LRRC43: variants seen among roughly 807,000 people sequenced by gnomAD.
LRRC43 encodes the protein leucine rich repeat containing 43.
In LRRC43, 62 loss-of-function variants were observed where a neutral mutation model predicts 64.3. The ratio of observed to expected loss-of-function variants is 0.96; its 90% CI spans 0.79 to 1.19. The LOEUF (loss-of-function observed/expected upper bound fraction) is 1.19, where lower values mean the gene tolerates loss of function less well. Among genes scored for constraint, LRRC43 ranks in the 50% most tolerant of loss-of-function variants. The probability of loss-of-function intolerance (pLI) is 0.00; values close to 1 mark genes in which losing one functional copy is unlikely to be tolerated. For synonymous variants in LRRC43, 422 were observed against 382.3 expected, an observed-to-expected ratio of 1.10 and a Z score of -1.21; for missense variants, 868 against 845.0, an observed-to-expected ratio of 1.03 and a Z score of -0.34.
chr12:122,191,852 C>G (rs75019700), intron 6 of LRRC43, among the ~76,000 whole-genome samples: 13,208 of 152,064 alleles, frequency 0.087, 1,599 homozygotes, highest in African/African-American at 0.27. Flanking sequence ...TGAGATTTCA[C>G]CTTGTTGACC....
At chr12:122,181,404 T>G (rs1445704852), upstream of LRRC43, among the ~76,000 whole-genome samples, 26 of 147,086 alleles carry the variant, frequency 1.8e-4, no homozygotes, top group African/African-American at 6.5e-4. Context: ...TTAGCCGGGC[T>G]TGGTGGCGGG....
In LRRC43 at chr12:122,177,966, T is replaced by C. The variant is rs923176113; in HGVS notation, c.-405-6553T>C. On this transcript the variant is annotated intron_variant, in intron 1 of 5. Transcript: ENST00000537729. ...GATTCTCCTGTCTCAGCCTCCCAAG[T>C]AACTGGGATTACAGGTACGTGCCAC... 4.6e-5 allele frequency among the ~76,000 whole-genome samples: 7 copies of C among 151,838 alleles called. No individual in the cohort carries two copies. The East Asian group carries it at 1.4e-3, about 29-fold the overall frequency.
chr12:122,193,672 C>A (rs1212843315), intron 7 of LRRC43, among the ~76,000 whole-genome samples: 2 of 152,136 alleles, frequency 1.3e-5, no homozygotes, highest in Non-Finnish European at 1.5e-5. Flanking sequence ...TCAAGCAATT[C>A]TTGTGCCTCA....
intron 1 of LRRC43, among the ~76,000 whole-genome samples, chr12:122,169,665 G>T (rs1002897184): frequency 1.6e-4 from 23 of 140,074 alleles, no homozygotes; most frequent in Non-Finnish European, 2.6e-4. Context: ...GCAGTGAGCC[G>T]AGATCGTGCC....
At chr12:122,187,037 C>T (rs952229246) in intron 3 of LRRC43, among the ~76,000 whole-genome samples, 1 of 152,046 alleles carries the variant, frequency 6.6e-6, no homozygotes, top group Non-Finnish European at 1.5e-5. Flanking sequence ...AATTCAAAAC[C>T]AGCCTGGGCA....
chr12:122,201,342 G>A lies in LRRC43; in HGVS notation c.1843+13G>A, dbSNP rs1415545303. Reference sequence around the variant, plus strand: ...GTTGCCAAAAAAGGTGAGTGCCGATGGTGGTGACCAAAGGCAGGGATTGTC... The same window carrying A: ...GTTGCCAAAAAAGGTGAGTGCCGATAGTGGTGACCAAAGGCAGGGATTGTC... On this transcript the variant is annotated intron_variant, in intron 11 of 11. Transcript: ENST00000339777. The A allele has an allele frequency of 6.2e-7, 1 of 1,613,802 alleles. No individual in the cohort carries two copies. Among genetic ancestry groups the A allele is most frequent in the Middle Eastern group, 1.7e-4 (1 of 6,028 alleles).
chr12:122,202,728 C>T (rs1428026830), intron 11 of LRRC43, among the ~76,000 whole-genome samples: 4 of 152,092 alleles, frequency 2.6e-5, no homozygotes, highest in Non-Finnish European at 4.4e-5. Flanking sequence ...ATTTTTAGGG[C>T]AAATGTTATA....
At position 122,192,972 on chromosome 12, in the gene LRRC43, G is replaced by A. The variant is rs1261570220; in HGVS notation, c.1317G>A (p.Leu439=). 1 of 1,614,056 alleles carries A rather than the reference G, an allele frequency of 6.2e-7. No individual in the cohort carries two copies. The highest frequency in any genetic ancestry group is 8.5e-7 in the Non-Finnish European group (1 of 1,180,000). The change falls in exon 7 of 12, where the codon CTG becomes CTA. Residue 439 remains leucine, a synonymous_variant. Transcript: ENST00000339777. ...CAGAAGAGCTGGCCAAGTTGAGGCT[G>A]CGTATAGATCCCCGGCTCTGCCCGT... The part of the protein sequence containing the change: ...ASAEELAKLR[L]RIDPRLCPSP...
rs919876408 is a variant in LRRC43, at chr12:122,184,926, C to T, written c.411+147C>T. ...AGCCTGCCCTCCATCTGCTTCATCT[C>T]CCTGGCTTGTGTGCCAGGCAGGGCC... On this transcript the variant is annotated intron_variant, in intron 2 of 11. Coordinates refer to ENST00000339777, the MANE Select transcript of LRRC43 (RefSeq NM_001098519.2). This position sits in a 1 kb window ranked among gnomAD's most constrained non-coding sequence, Gnocchi z 4.0. The T allele has an allele frequency of 2.2e-6, 2 of 892,872 alleles. No homozygotes were observed. Among genetic ancestry groups the T allele is most frequent in the African/African-American group, 1.7e-5 (1 of 59,418 alleles). 55.3% of individuals were successfully genotyped at this position (892,872 alleles called of 1,614,324 possible). A position where few individuals can be genotyped will look rare whatever the true frequency, so the allele number is the denominator to read the frequency against.
Position 122,191,424 on chromosome 12 carries a change from A to G in LRRC43, c.946A>G (p.Ile316Val), listed in dbSNP as rs749141325. 1 of 1,613,962 alleles carries G rather than the reference A, an allele frequency of 6.2e-7. No individual in the cohort carries two copies. The highest frequency in any genetic ancestry group is 1.1e-5 in the South Asian group (1 of 91,028). The change falls in exon 6 of 12, where the codon ATC becomes GTC. Residue 316 changes from isoleucine (I) to valine (V), a missense_variant. By Grantham distance (29) the Ile-to-Val change is conservative. Transcript: ENST00000339777. Reference sequence around the variant, plus strand: ...GCAGTTTGTGGTGACCATCGGAAACATCAGAGGAGTCCTGGACACCTCTGT... The same window carrying G: ...GCAGTTTGTGGTGACCATCGGAAACGTCAGAGGAGTCCTGGACACCTCTGT... ...EAQFVVTIGN[I>V]RGVLDTSVLD...
At position 122,200,618 on chromosome 12, in the gene LRRC43, G is replaced by GACAAGAAAGGGAAT; in HGVS notation, c.1578_1579insACAAGAAAGGGAAT (p.Glu527ThrfsTer24). The GACAAGAAAGGGAAT allele has an allele frequency of 6.2e-7, 1 of 1,614,084 alleles. No individual in the cohort carries two copies. The highest frequency in any genetic ancestry group is 8.5e-7 in the Non-Finnish European group (1 of 1,180,040). On this transcript the variant is annotated frameshift_variant, in exon 9 of 12. Coordinates refer to ENST00000339777, the MANE Select transcript of LRRC43 (RefSeq NM_001098519.2). LOFTEE classifies it high-confidence loss of function. The surrounding 1 kb of genome is among the most constrained non-coding windows in gnomAD (Gnocchi z 4.6). ...AGGGGGAGAAAGACAAGAAAGGGAAGGAGAAAGACAGGACGGGGAAAGGAG... is the reference window on the plus strand; with the variant it reads ...AGGGGGAGAAAGACAAGAAAGGGAAGACAAGAAAGGGAATGAGAAAGACAGGACGGGGAAAGGAG...
In LRRC43 at chr12:122,190,854, CAAAA is replaced by C. The variant is rs756031424; in HGVS notation, c.901+495_901+498del. ...CTCTAGCCTAGGTGACAGAGCAAGA[CAAAA>C]AAAAAAAAGGTGGTGTGGGAGGATC... On this transcript the variant is annotated intron_variant, in intron 5 of 11. Transcript: ENST00000339777. 7.6e-5 allele frequency among the ~76,000 whole-genome samples: 10 copies of C among 131,872 alleles called. No individual in the cohort carries two copies. In the South Asian group the frequency reaches 1.9e-3, roughly 25 times the overall value. The allele number at this position is 131,872 out of a possible 152,430, so 86.5% of individuals were successfully genotyped here.
chr12:122,200,302 G>A lies in LRRC43; in HGVS notation c.1463G>A (p.Gly488Glu). The A allele has an allele frequency of 6.2e-7, 1 of 1,611,690 alleles. No homozygotes were observed. The highest frequency in any genetic ancestry group is 8.5e-7 in the Non-Finnish European group (1 of 1,179,914). The change falls in exon 8 of 12, where the codon GGG (glycine) becomes GAG (glutamate). Residue 488 changes from glycine to glutamate, a missense_variant. Transcript: ENST00000339777. This position sits in a 1 kb window ranked among gnomAD's most constrained non-coding sequence, Gnocchi z 4.6. Reference sequence around the variant, plus strand: ...CCACTGAAGGCCTTCCTGCTGGCGGGGACCACCGTGACCATCGTGGAGGAG... The same window carrying A: ...CCACTGAAGGCCTTCCTGCTGGCGGAGACCACCGTGACCATCGTGGAGGAG... ...LVPLKAFLLA[G>E]TTVTIVEEKI...
chr12:122,176,513 T>C (rs1953538022), intron 1 of LRRC43, among the ~76,000 whole-genome samples: 1 of 124,006 alleles, frequency 8.1e-6, no homozygotes, highest in African/African-American at 3.2e-5. Context: ...TTTCTTTTCT[T>C]AATTGTTTTG....
At chr12:122,188,349 C>T (rs921521231) in intron 4 of LRRC43, among the ~76,000 whole-genome samples, 5 of 151,670 alleles carry the variant, frequency 3.3e-5, no homozygotes, top group African/African-American at 7.3e-5. Context: ...CCTCGTGATC[C>T]GCCCGTCTCG....
intron 1 of LRRC43, among the ~76,000 whole-genome samples, chr12:122,170,904 C>T (rs1232546368): frequency 6.6e-6 from 1 of 152,094 alleles, no homozygotes; most frequent in South Asian, 2.1e-4. Flanking sequence ...CTGTCTCCAC[C>T]CACAGACCTT....
intron 11 of LRRC43, among the ~76,000 whole-genome samples, chr12:122,201,669 T>C (rs975580103): frequency 6.6e-6 from 1 of 152,170 alleles, no homozygotes; most frequent in Non-Finnish European, 1.5e-5. Flanking sequence ...GGGCCTGGGC[T>C]TGTCCTGTGG....
chr12:122,171,091 G>A (rs1953481607), intron 1 of LRRC43, among the ~76,000 whole-genome samples: 1 of 152,224 alleles, frequency 6.6e-6, no homozygotes, highest in Admixed American at 6.5e-5. Flanking sequence ...GACCTGGCTA[G>A]GAAGAAGTCC....
Position 122,203,469 on chromosome 12 carries a change from G to T in LRRC43, c.*27G>T, listed in dbSNP as rs781206563. 6.3e-7 allele frequency: 1 copy of T among 1,582,846 alleles called. No individual in the cohort carries two copies. The highest frequency in any genetic ancestry group is 8.6e-7 in the Non-Finnish European group (1 of 1,164,532). On this transcript the variant is annotated 3_prime_UTR_variant, in exon 12 of 12. Coordinates refer to ENST00000339777, the MANE Select transcript of LRRC43 (RefSeq NM_001098519.2). ...GCGTGGGCAGTAAAGGCTGTTCCCA[G>T]CACTCCCGCCTCCGCTTCTGTCCCG...
Sources: allele counts gnomAD v4.1 joint callset (sites outside exome capture counted in the v4.1 genomes callset), GRCh38; gene constraint gnomAD v4.1.1; non-coding constraint Gnocchi (gnomAD v3.1); transcripts MANE v1.5; gene names NCBI Gene and HGNC (gene_info 2026-07-23, HGNC 2026-07-21).